GHR: variants seen among roughly 807,000 people sequenced by gnomAD.
The protein encoded by GHR is GH receptor.
GHR carries 35 observed loss-of-function variants against 67.1 expected under a neutral mutation model. That is an observed-to-expected ratio of 0.52 (90% CI 0.40 to 0.69). The LOEUF (loss-of-function observed/expected upper bound fraction) is 0.69. Ranked by LOEUF, GHR falls within the 30% of genes least tolerant of loss-of-function variation. GHR has a pLI of 0.00. For missense variants in GHR, 792 were observed against 764.6 expected, an observed-to-expected ratio of 1.04 and a Z score of -0.42; for synonymous variants, 272 against 269.1, an observed-to-expected ratio of 1.01 and a Z score of -0.10.
intron 1 of GHR, chr5:42,465,300 A>C: frequency 1.5e-6 from 1 of 669,684 alleles, no homozygotes; most frequent in Non-Finnish European, 2.6e-6. Flanking sequence ...ATCTTGAAGA[A>C]CAGATTTTTT....
intron 1 of GHR, among the ~76,000 whole-genome samples, chr5:42,425,494 G>T (rs544901942): frequency 7.9e-4 from 121 of 152,292 alleles, no homozygotes; most frequent in Non-Finnish European, 6.8e-4. Context: ...AACCTTTCCA[G>T]AAATTAAAAT....
intron 2 of GHR, among the ~76,000 whole-genome samples, chr5:42,600,865 T>C (rs909440661): frequency 6.6e-6 from 1 of 152,102 alleles, no homozygotes; most frequent in Non-Finnish European, 1.5e-5. Flanking sequence ...TAGTTTTAGA[T>C]TGTCAAACTG....
intron 2 of GHR, among the ~76,000 whole-genome samples, chr5:42,596,947 G>A (rs1752100721): frequency 6.6e-6 from 1 of 152,186 alleles, no homozygotes; most frequent in African/African-American, 2.4e-5. Context: ...TAAGGCCCAT[G>A]AGGCTAGCCA....
At chr5:42,545,822 A>C (rs143802589) in intron 1 of GHR, among the ~76,000 whole-genome samples, 36 of 152,308 alleles carry the variant, frequency 2.4e-4, no homozygotes, top group African/African-American at 8.2e-4. Flanking sequence ...TGTAAAATTT[A>C]ATAAGGCCCC....
intron 1 of GHR, among the ~76,000 whole-genome samples, chr5:42,559,306 C>T (rs868451288): frequency 3.3e-5 from 5 of 151,916 alleles, no homozygotes; most frequent in Non-Finnish European, 2.9e-5. Flanking sequence ...TTTGGGAGGC[C>T]GAGACGGAAG....
At chr5:42,455,049 G>A (rs750352824) in intron 1 of GHR, among the ~76,000 whole-genome samples, 3 of 152,124 alleles carry the variant, frequency 2.0e-5, no homozygotes, top group Non-Finnish European at 2.9e-5. Context: ...TGGAGACTGG[G>A]AGTGCCTACA....
intron 2 of GHR, among the ~76,000 whole-genome samples, chr5:42,602,307 A>T (rs918352892): frequency 6.6e-6 from 1 of 152,126 alleles, no homozygotes; most frequent in Admixed American, 6.5e-5. Context: ...TACCATTTGA[A>T]CTACGTTTTC....
At chr5:42,636,549 C>G (rs1251887617) in intron 3 of GHR, among the ~76,000 whole-genome samples, 1 of 152,050 alleles carries the variant, frequency 6.6e-6, no homozygotes, top group Non-Finnish European at 1.5e-5. Flanking sequence ...AATCACTGCT[C>G]CCGAGAGAGC....
At chr5:42,495,588 T>A (rs1036725122) in intron 1 of GHR, among the ~76,000 whole-genome samples, 1 of 152,114 alleles carries the variant, frequency 6.6e-6, no homozygotes, top group Non-Finnish European at 1.5e-5. Context: ...TATTACCATG[T>A]GATCAGAAAA....
intron 2 of GHR, among the ~76,000 whole-genome samples, chr5:42,568,297 T>G (rs2112487027): frequency 6.6e-6 from 1 of 152,306 alleles, no homozygotes; most frequent in South Asian, 2.1e-4. Flanking sequence ...GCCGTTATTG[T>G]GTTAGCTAAA....
chr5:42,702,245 C>G (rs1301366286), intron 6 of GHR, among the ~76,000 whole-genome samples: 1 of 152,102 alleles, frequency 6.6e-6, no homozygotes, highest in African/African-American at 2.4e-5. Context: ...ATTCAACTCT[C>G]TGCTTCTGAG....
chr5:42,497,467 T>C (rs543000936), intron 1 of GHR, among the ~76,000 whole-genome samples: 2 of 152,338 alleles, frequency 1.3e-5, no homozygotes, highest in East Asian at 3.9e-4. Context: ...CAAGTGTTTC[T>C]TGTTCAGTTT....
chr5:42,640,626 G>A lies in GHR; in HGVS notation c.136+11523G>A, dbSNP rs534027019. The stretch of plus-strand genomic sequence containing the variant: ...AAGAAAAATCCTTCATCTAGGTAGC[G>A]TATTTTGTATTTGAATAGTTTATGT... On this transcript the variant is annotated intron_variant, in intron 3 of 9. Transcript: ENST00000230882. Among the ~76,000 whole-genome samples the A allele has an allele frequency of 1.4e-4, 21 of 151,916 alleles. 1 individual carries two copies. The highest frequency in any genetic ancestry group is 4.2e-4 in the South Asian group (2 of 4,814).
chr5:42,549,482 G>A (rs1332779292), intron 1 of GHR: 1 of 153,608 alleles, frequency 6.5e-6, no homozygotes, highest in African/African-American at 2.4e-5. Flanking sequence ...GAGAGGAGAG[G>A]CACCTGACTT....
chr5:42,677,688 C>T (rs1444519816), intron 3 of GHR, among the ~76,000 whole-genome samples: 1 of 152,142 alleles, frequency 6.6e-6, no homozygotes, highest in Admixed American at 6.5e-5. Flanking sequence ...AAGACAAACT[C>T]GTAAACCTTC....
chr5:42,661,429 A>T (rs1173279013), intron 3 of GHR, among the ~76,000 whole-genome samples: 1 of 151,670 alleles, frequency 6.6e-6, no homozygotes, highest in African/African-American at 2.4e-5. Flanking sequence ...TACAAGCCAG[A>T]AGAGAGTGGG....
At chr5:42,576,129 AAAATAAAAT>A (rs1561136032) in intron 2 of GHR, among the ~76,000 whole-genome samples, 27 of 102,552 alleles carry the variant, frequency 2.6e-4, no homozygotes, top group African/African-American at 1.0e-3. Context: ...AAAATAAAAT[AAAATAAAAT>A]AAAATAGTAA....
At chr5:42,596,385 C>T (rs1047255033) in intron 2 of GHR, among the ~76,000 whole-genome samples, 11 of 152,002 alleles carry the variant, frequency 7.2e-5, no homozygotes, top group Admixed American at 3.3e-4. Flanking sequence ...AGGACAGTAG[C>T]CCAACAGCAT....
intron 2 of GHR, among the ~76,000 whole-genome samples, chr5:42,610,978 G>A (rs949504328): frequency 5.9e-5 from 9 of 152,136 alleles, no homozygotes; most frequent in Non-Finnish European, 8.8e-5. Flanking sequence ...TTTCATAGCT[G>A]CCACATTTGC....
Sources: gnomAD v4.1 joint callset for allele counts (sites outside exome capture counted in the v4.1 genomes callset) on GRCh38, gnomAD v4.1.1 for gene constraint, MANE v1.5 for transcripts, NCBI Gene and HGNC (gene_info 2026-07-23, HGNC 2026-07-21) for gene names.